Variants in PIAS1 observed in about 807,000 individuals in gnomAD.
PIAS1 encodes protein inhibitor of activated STAT 1.
Under a neutral mutation model 71.3 loss-of-function variants are expected in PIAS1, and 6 were observed. The ratio of observed to expected loss-of-function variants is 0.08; its 90% CI spans 0.05 to 0.17. PIAS1 has a LOEUF of 0.17. Among genes scored for constraint, PIAS1 ranks in the 10% least tolerant of loss-of-function variants. The pLI is 1.00. For missense variants in PIAS1, 555 were observed against 793.6 expected (o/e 0.70, Z 3.61); for synonymous variants, 303 against 292.9 (o/e 1.03, Z -0.35).
chr15:68,121,429 C>T (rs2092612707), intron 2 of PIAS1, among the ~76,000 whole-genome samples: 1 of 151,760 alleles, frequency 6.6e-6, no homozygotes, highest in Non-Finnish European at 1.5e-5. Flanking sequence ...TTCACTGGGT[C>T]TTAAGCAATT....
chr15:68,129,673 A>G (rs1191379064), intron 2 of PIAS1, among the ~76,000 whole-genome samples: 3 of 152,150 alleles, frequency 2.0e-5, no homozygotes, highest in Non-Finnish European at 4.4e-5. Context: ...AATTGTGTTT[A>G]TATAGTGGAT....
At position 68,054,721 on chromosome 15, in the gene PIAS1, G is replaced by A; in HGVS notation, c.24+371G>A. 5.3e-6 allele frequency: 1 copy of A among 187,620 alleles called. No individual in the cohort carries two copies. The highest frequency in any genetic ancestry group is 1.1e-5 in the Non-Finnish European group (1 of 91,396). The allele number at this position is 187,620 out of a possible 1,614,324, so 11.6% of individuals were successfully genotyped here. ...GGGGAGCTGGGGCTGGGGGCAGGGTGCTCTCGTAGGGGGGATTGGGAAAGC... is the reference window on the plus strand; with the variant it reads ...GGGGAGCTGGGGCTGGGGGCAGGGTACTCTCGTAGGGGGGATTGGGAAAGC... On this transcript the variant is annotated intron_variant, in intron 1 of 13. Transcript: ENST00000249636. This position sits in a 1 kb window ranked among gnomAD's most constrained non-coding sequence, Gnocchi z 4.6.
intron 2 of PIAS1, among the ~76,000 whole-genome samples, chr15:68,130,543 A>C (rs926187565): frequency 6.6e-6 from 1 of 151,912 alleles, no homozygotes; most frequent in Admixed American, 6.6e-5. Flanking sequence ...GGTTTGATAC[A>C]TTTGCTGGTA....
At position 68,092,298 on chromosome 15, in the gene PIAS1, A is replaced by AGT. The variant is rs2092338544; in HGVS notation, c.469+5549_469+5550dup. On this transcript the variant is annotated intron_variant, in intron 2 of 13. Transcript: ENST00000249636. ...AGCGATCCTCCCACCTCGCCTCCTG[A>AGT]GTAGCTGGGACGACAGGCAGGAGCA... 2.0e-5 allele frequency among the ~76,000 whole-genome samples: 3 copies of AGT among 151,962 alleles called. No individual in the cohort carries two copies. The South Asian group carries it at 6.2e-4, about 32-fold the overall frequency.
intron 7 of PIAS1, among the ~76,000 whole-genome samples, chr15:68,158,440 C>A (rs2092904904): frequency 6.6e-6 from 1 of 152,094 alleles, no homozygotes; most frequent in Non-Finnish European, 1.5e-5. Context: ...TCCCAGAACC[C>A]CCAAAATTGA....
At chr15:68,127,110 G>C (rs2092656433) in intron 2 of PIAS1, among the ~76,000 whole-genome samples, 1 of 151,782 alleles carries the variant, frequency 6.6e-6, no homozygotes, top group Non-Finnish European at 1.5e-5. Flanking sequence ...ATGTTTAGTA[G>C]GGATGGGGTT....
At chr15:68,166,404 A>G (rs2092958152) in intron 8 of PIAS1, among the ~76,000 whole-genome samples, 1 of 151,540 alleles carries the variant, frequency 6.6e-6, no homozygotes. Context: ...GGGGAAGTAG[A>G]GGGTGAGAAA....
chr15:68,067,797 A>G (rs1200391788), intron 1 of PIAS1, among the ~76,000 whole-genome samples: 2 of 152,154 alleles, frequency 1.3e-5, no homozygotes, highest in Non-Finnish European at 2.9e-5. Context: ...AACAAACATC[A>G]AGCCTAATAA....
intron 2 of PIAS1, among the ~76,000 whole-genome samples, chr15:68,106,089 TATTG>T (rs1273862696): frequency 6.6e-6 from 1 of 152,038 alleles, no homozygotes; most frequent in Non-Finnish European, 1.5e-5. Flanking sequence ...CAGTTGTAGA[TATTG>T]ATTCAAGTAA....
At chr15:68,059,538 C>T (rs1241605305) in intron 1 of PIAS1, among the ~76,000 whole-genome samples, 3 of 151,084 alleles carry the variant, frequency 2.0e-5, no homozygotes, top group African/African-American at 7.3e-5. Context: ...AGTGAAACCC[C>T]GTCTCTACTA....
intron 12 of PIAS1, 67 bp downstream of exon 12, chr15:68,181,421 T>C: frequency 6.8e-7 from 1 of 1,468,208 alleles, no homozygotes; most frequent in Non-Finnish European, 9.4e-7. Context: ...ATAATTCTCT[T>C]CTAGGTGAAT....
intron 12 of PIAS1, among the ~76,000 whole-genome samples, chr15:68,182,700 G>A (rs552863893): frequency 6.6e-6 from 1 of 152,160 alleles, no homozygotes; most frequent in Non-Finnish European, 1.5e-5. Context: ...GATTACAGGC[G>A]TGAGCCACTA....
At chr15:68,114,784 C>CT (rs2092551779) in intron 2 of PIAS1, among the ~76,000 whole-genome samples, 1 of 151,296 alleles carries the variant, frequency 6.6e-6, no homozygotes, top group South Asian at 2.1e-4. Context: ...CATGATTCGT[C>CT]TTTTTATTTT....
chr15:68,069,652 A>G (rs1177087627), intron 1 of PIAS1, among the ~76,000 whole-genome samples: 4 of 152,026 alleles, frequency 2.6e-5, no homozygotes, highest in Non-Finnish European at 5.9e-5. Flanking sequence ...AATACAAAAA[A>G]TTAGCCGGGC....
At chr15:68,138,807 TG>T (rs943670867) in intron 2 of PIAS1, among the ~76,000 whole-genome samples, 1 of 152,182 alleles carries the variant, frequency 6.6e-6, no homozygotes, top group African/African-American at 2.4e-5. Flanking sequence ...TGTAACAACC[TG>T]GGGTACGTCT....
intron 1 of PIAS1, among the ~76,000 whole-genome samples, chr15:68,056,359 AG>A: frequency 6.6e-6 from 1 of 152,346 alleles, no homozygotes; most frequent in African/African-American, 2.4e-5. Context: ...CTTTGGGGAT[AG>A]ATCAGATCCC....
rs929818128 is a variant in PIAS1 at position 68,089,935 on chromosome 15, A to G, written c.469+3185A>G. ...TGCTCTGTTGCCCAGGCTGGAGTGCACTGGCACAATCTCAGCTCACTGCAA... is the reference window on the plus strand; with the variant it reads ...TGCTCTGTTGCCCAGGCTGGAGTGCGCTGGCACAATCTCAGCTCACTGCAA... On this transcript the variant is annotated intron_variant, in intron 2 of 13. Transcript: ENST00000249636. Among the ~76,000 whole-genome samples, 10 of 151,312 alleles carry G rather than the reference A, an allele frequency of 6.6e-5. No homozygotes were observed. The East Asian group carries it at 9.9e-4, about 15-fold the overall frequency.
At chr15:68,090,927 G>GTGTGTGTGTGTGT (rs1555425137) in intron 2 of PIAS1, among the ~76,000 whole-genome samples, 3 of 142,762 alleles carry the variant, frequency 2.1e-5, no homozygotes, top group African/African-American at 7.8e-5. Context: ...GTCATTTACG[G>GTGTGTGTGTGTGT]GTGTGTGTGT....
chr15:68,065,454 G>A (rs1257993246), intron 1 of PIAS1, among the ~76,000 whole-genome samples: 1 of 151,954 alleles, frequency 6.6e-6, no homozygotes, highest in Non-Finnish European at 1.5e-5. Context: ...AGCTGGGCAT[G>A]TTGATGCGCA....
Sources: allele counts gnomAD v4.1 joint callset (sites outside exome capture counted in the v4.1 genomes callset), GRCh38; gene constraint gnomAD v4.1.1; non-coding constraint Gnocchi (gnomAD v3.1); transcripts MANE v1.5; gene names NCBI Gene and HGNC (gene_info 2026-07-23, HGNC 2026-07-21).